Variants in UBE2E2 observed in about 807,000 individuals in gnomAD.
UBE2E2 encodes the protein ubiquitin conjugating enzyme E2 E2.
In UBE2E2, 6 loss-of-function variants were observed where a neutral mutation model predicts 24.7. The observed-to-expected ratio is 0.24, with a 90% confidence interval of 0.13 to 0.48. The LOEUF (loss-of-function observed/expected upper bound fraction) is 0.48. Ranked by LOEUF, UBE2E2 falls within the 20% of genes least tolerant of loss-of-function variation. The pLI, the probability that UBE2E2 is intolerant of heterozygous loss-of-function variation, is 0.99. For synonymous variants in UBE2E2, 104 were observed against 83.6 expected, an observed-to-expected ratio of 1.24 and a Z score of -1.33; for missense variants, 169 against 245.0, an observed-to-expected ratio of 0.69 and a Z score of 2.07.
At position 23,240,285 on chromosome 3, in the gene UBE2E2, G is replaced by A. The variant is rs1355741530; in HGVS notation, c.227+22973G>A. ...TTCTTTAGCTTAGCATTGCTTACAG[G>A]GCTTAATTAAGTTTTGTTTCATACT... On this transcript the variant is annotated intron_variant, in intron 3 of 5. Transcript: ENST00000396703. 2.6e-5 allele frequency among the ~76,000 whole-genome samples: 4 copies of A among 152,126 alleles called. No homozygotes were observed. In the East Asian group the frequency reaches 7.7e-4, roughly 29 times the overall value.
At chr3:23,566,316 C>T (rs1696071201) in intron 5 of UBE2E2, among the ~76,000 whole-genome samples, 1 of 152,152 alleles carries the variant, frequency 6.6e-6, no homozygotes, top group Non-Finnish European at 1.5e-5. Context: ...GCAAGCCTTG[C>T]CAGTGGGGAT....
chr3:23,413,913 A>G (rs1295812155), intron 3 of UBE2E2, among the ~76,000 whole-genome samples: 1 of 152,216 alleles, frequency 6.6e-6, no homozygotes, highest in Non-Finnish European at 1.5e-5. Flanking sequence ...GTATGAATGC[A>G]TATATTTATC....
chr3:23,574,202 G>A (rs1263597007), intron 5 of UBE2E2, among the ~76,000 whole-genome samples: 1 of 152,160 alleles, frequency 6.6e-6, no homozygotes, highest in Non-Finnish European at 1.5e-5. Context: ...ATAGAGAGTA[G>A]AAGAATGGTT....
At chr3:23,302,347 A>C (rs545956226) in intron 3 of UBE2E2, among the ~76,000 whole-genome samples, 80 of 152,324 alleles carry the variant, frequency 5.3e-4, no homozygotes, top group Non-Finnish European at 9.3e-4. Context: ...TATTACTACA[A>C]GTTAGGAAAG....
At chr3:23,392,665 T>C (rs963482403) in intron 3 of UBE2E2, among the ~76,000 whole-genome samples, 1 of 152,072 alleles carries the variant, frequency 6.6e-6, no homozygotes, top group Non-Finnish European at 1.5e-5. Flanking sequence ...AATAAACAAA[T>C]ATATGAAGAA....
intron 3 of UBE2E2, among the ~76,000 whole-genome samples, chr3:23,441,921 T>C (rs1366528122): frequency 6.6e-6 from 1 of 152,232 alleles, no homozygotes; most frequent in East Asian, 1.9e-4. Flanking sequence ...AGACGTTTCA[T>C]ATTTATTTAA....
At chr3:23,241,055 A>T (rs1382262245) in intron 3 of UBE2E2, among the ~76,000 whole-genome samples, 2 of 152,218 alleles carry the variant, frequency 1.3e-5, no homozygotes, top group Admixed American at 1.3e-4. Context: ...AGGCACTTCA[A>T]CAAGTCCAAA....
At chr3:23,366,063 C>T (rs1696249051) in intron 3 of UBE2E2, among the ~76,000 whole-genome samples, 1 of 152,038 alleles carries the variant, frequency 6.6e-6, no homozygotes, top group Admixed American at 6.6e-5. Context: ...TAGCAATTTG[C>T]AGTAGATTGA....
At chr3:23,291,683 C>CT (rs11308326) in intron 3 of UBE2E2, among the ~76,000 whole-genome samples, 9,128 of 95,138 alleles carry the variant, frequency 0.096, 929 homozygotes, top group Non-Finnish European at 0.11. Flanking sequence ...ATTTAAGGGG[C>CT]TTTTTTTTTT....
intron 3 of UBE2E2, among the ~76,000 whole-genome samples, chr3:23,498,604 A>G (rs1699655853): frequency 6.6e-6 from 1 of 152,202 alleles, no homozygotes; most frequent in African/African-American, 2.4e-5. Flanking sequence ...TAAGTTTTAT[A>G]TAATTTTCTC....
chr3:23,268,421 C>G (rs934667657), intron 3 of UBE2E2, among the ~76,000 whole-genome samples: 6 of 151,774 alleles, frequency 4.0e-5, no homozygotes, highest in African/African-American at 1.4e-4. Flanking sequence ...AACAGACAAA[C>G]AGCCAAATCA....
chr3:23,541,326 C>G (rs994970779), intron 5 of UBE2E2, among the ~76,000 whole-genome samples: 2 of 152,226 alleles, frequency 1.3e-5, no homozygotes, highest in African/African-American at 4.8e-5. Context: ...CTCACAGTGC[C>G]TCTTCCTCAG....
At chr3:23,556,454 T>TTAAAAAA (rs1553620573) in intron 5 of UBE2E2, among the ~76,000 whole-genome samples, 103 of 94,320 alleles carry the variant, frequency 1.1e-3, no homozygotes, top group Middle Eastern at 5.6e-3. Flanking sequence ...AAAATTTATT[T>TTAAAAAA]AAAAAAAAAA....
intron 3 of UBE2E2, among the ~76,000 whole-genome samples, chr3:23,249,204 G>A (rs1385380750): frequency 4.0e-5 from 6 of 151,674 alleles, no homozygotes; most frequent in African/African-American, 1.2e-4. Flanking sequence ...CCTGGGAGGC[G>A]GAAGTTTCAG....
intron 3 of UBE2E2, among the ~76,000 whole-genome samples, chr3:23,401,950 G>A (rs1575607049): frequency 6.7e-6 from 1 of 149,858 alleles, no homozygotes; most frequent in Non-Finnish European, 1.5e-5. Flanking sequence ...TCTACCTCCT[G>A]GGTTCAAGCA....
chr3:23,445,329 C>T (rs972756110), intron 3 of UBE2E2, among the ~76,000 whole-genome samples: 1 of 152,134 alleles, frequency 6.6e-6, no homozygotes, highest in Non-Finnish European at 1.5e-5. Context: ...CACAAATGCC[C>T]CTGATTTGTG....
chr3:23,391,378 G>T (rs889234643), intron 3 of UBE2E2, among the ~76,000 whole-genome samples: 10 of 152,146 alleles, frequency 6.6e-5, no homozygotes, highest in African/African-American at 2.4e-4. Flanking sequence ...TCAGGAATGT[G>T]GCCACAGTAT....
intron 4 of UBE2E2, among the ~76,000 whole-genome samples, chr3:23,506,838 G>T (rs1010937116): frequency 6.6e-6 from 1 of 152,074 alleles, no homozygotes; most frequent in Non-Finnish European, 1.5e-5. Flanking sequence ...TCGCCATGTT[G>T]CCCAGGCTGA....
chr3:23,538,696 G>A (rs955869226), intron 5 of UBE2E2, among the ~76,000 whole-genome samples: 3 of 151,936 alleles, frequency 2.0e-5, no homozygotes, highest in Non-Finnish European at 2.9e-5. Flanking sequence ...AATAAAATCA[G>A]GGAATATACG....
Sources: gnomAD v4.1 joint callset for allele counts (sites outside exome capture counted in the v4.1 genomes callset) on GRCh38, gnomAD v4.1.1 for gene constraint, MANE v1.5 for transcripts, NCBI Gene and HGNC (gene_info 2026-07-23, HGNC 2026-07-21) for gene names.